Variants in PDE3A observed in about 807,000 individuals in gnomAD.
PDE3A encodes phosphodiesterase 3A.
In PDE3A, 43 loss-of-function variants were observed where a neutral mutation model predicts 98.3. The ratio of observed to expected loss-of-function variants is 0.44; its 90% CI spans 0.34 to 0.56. The LOEUF (loss-of-function observed/expected upper bound fraction) is 0.56. Among genes scored for constraint, PDE3A ranks in the 20% least tolerant of loss-of-function variants. The pLI is 0.01. For synonymous variants in PDE3A, 663 were observed against 567.9 expected (o/e 1.17, Z -2.38); for missense variants, 1,427 against 1,440.7 (o/e 0.99, Z 0.15).
chr12:20,629,409 A>T (rs1441195526), intron 5 of PDE3A, among the ~76,000 whole-genome samples: 2 of 152,168 alleles, frequency 1.3e-5, no homozygotes, highest in African/African-American at 4.8e-5. Context: ...AAGAAGGTTA[A>T]TTTCCTCTCA....
At chr12:20,545,750 G>C (rs1942034259) in intron 1 of PDE3A, among the ~76,000 whole-genome samples, 1 of 138,766 alleles carries the variant, frequency 7.2e-6, no homozygotes, top group African/African-American at 2.6e-5. Context: ...CCTACCCCAA[G>C]AGTAAAGGGC....
intron 2 of PDE3A, among the ~76,000 whole-genome samples, chr12:20,610,246 A>G (rs755642222): frequency 5.9e-5 from 9 of 152,064 alleles, no homozygotes; most frequent in Non-Finnish European, 1.0e-4. Context: ...ACATGAACAG[A>G]CATTTCTCCA....
At chr12:20,650,037 G>GGT (rs1944879468) in intron 13 of PDE3A, among the ~76,000 whole-genome samples, 1 of 152,014 alleles carries the variant, frequency 6.6e-6, no homozygotes, top group East Asian at 1.9e-4. Context: ...GTACATGGTA[G>GGT]GTATATATAT....
Position 20,369,886 on chromosome 12 carries a change from C to G in PDE3A, c.602C>G (p.Ala201Gly). Residue 201 changes from alanine to glycine, a missense_variant, in exon 1 of 16, where the codon GCG (alanine) becomes GGG (glycine). Transcript: ENST00000359062. The part of the protein sequence containing the change: ...AGVVLSCLAA[A>G]TWLVLRLRLG... The stretch of plus-strand genomic sequence containing the variant: ...GTGGTGCTCAGCTGCTTGGCCGCCG[C>G]GACATGGCTGGTGCTGAGGCTGAGG... 1.9e-6 allele frequency: 3 copies of G among 1,613,254 alleles called. No homozygotes were observed. The highest frequency in any genetic ancestry group is 2.5e-6 in the Non-Finnish European group (3 of 1,179,798).
At chr12:20,416,624 C>T (rs5014036) in intron 1 of PDE3A, among the ~76,000 whole-genome samples, 94,111 of 152,114 alleles carry the variant, frequency 0.62, 30,866 homozygotes, top group East Asian at 0.88. Context: ...CTTAATTCTT[C>T]ATTAGTGTGT....
intron 15 of PDE3A, among the ~76,000 whole-genome samples, chr12:20,670,493 A>C (rs2120416285): frequency 6.6e-6 from 1 of 152,300 alleles, no homozygotes; most frequent in South Asian, 2.1e-4. Context: ...ATTATAACAA[A>C]CTATCTCTCA....
chr12:20,536,005 G>A (rs1305442564), intron 1 of PDE3A, among the ~76,000 whole-genome samples: 1 of 152,018 alleles, frequency 6.6e-6, no homozygotes, highest in Non-Finnish European at 1.5e-5. Flanking sequence ...TATGCCTGGA[G>A]CCAATTTTGA....
At chr12:20,664,137 C>T (rs1335728401) in intron 15 of PDE3A, among the ~76,000 whole-genome samples, 1 of 152,096 alleles carries the variant, frequency 6.6e-6, no homozygotes, top group Non-Finnish European at 1.5e-5. Flanking sequence ...CCCCTTCCAC[C>T]ATGATTATGT....
chr12:20,595,691 T>G (rs1476811194), intron 2 of PDE3A, among the ~76,000 whole-genome samples: 1 of 152,200 alleles, frequency 6.6e-6, no homozygotes, highest in African/African-American at 2.4e-5. Context: ...GGAGACATTT[T>G]GAAGCTCTTT....
intron 2 of PDE3A, among the ~76,000 whole-genome samples, chr12:20,584,797 T>C (rs1019756248): frequency 6.6e-6 from 1 of 152,192 alleles, no homozygotes; most frequent in Non-Finnish European, 1.5e-5. Flanking sequence ...CTTCCTTTTC[T>C]GGCAATTTTC....
chr12:20,398,297 C>CTTTT (rs34700120), intron 1 of PDE3A, among the ~76,000 whole-genome samples: 72 of 140,922 alleles, frequency 5.1e-4, no homozygotes, highest in East Asian at 1.5e-3. Context: ...TCTTAGTTCA[C>CTTTT]TTTTTTTTTT....
intron 1 of PDE3A, among the ~76,000 whole-genome samples, chr12:20,484,183 A>G (rs1945681454): frequency 6.6e-6 from 1 of 152,216 alleles, no homozygotes; most frequent in African/African-American, 2.4e-5. Flanking sequence ...AATACATACA[A>G]ATTTGTATCT....
intron 1 of PDE3A, among the ~76,000 whole-genome samples, chr12:20,411,294 C>T (rs1294561319): frequency 6.6e-6 from 1 of 152,110 alleles, no homozygotes; most frequent in Non-Finnish European, 1.5e-5. Flanking sequence ...TAAGAAATTA[C>T]TCCCCATTTC....
chr12:20,422,671 A>G (rs184158185), intron 1 of PDE3A, among the ~76,000 whole-genome samples: 2 of 152,364 alleles, frequency 1.3e-5, no homozygotes, highest in East Asian at 3.9e-4. Context: ...ACATGGAATA[A>G]CCGCATATAG....
intron 1 of PDE3A, among the ~76,000 whole-genome samples, chr12:20,385,587 C>T (rs1943741474): frequency 1.3e-5 from 2 of 151,766 alleles, no homozygotes; most frequent in African/African-American, 4.8e-5. Context: ...GGCATATATA[C>T]ACCATGGAAT....
At position 20,654,127 on chromosome 12, in the gene PDE3A, A is replaced by G; in HGVS notation, c.3106A>G (p.Thr1036Ala). ...WVEDSDESGD[T>A]DDPEEEEEEA... The stretch of plus-strand genomic sequence containing the variant: ...GGAAGACAGCGATGAGTCAGGAGAT[A>G]CTGATGACCCAGAAGAAGAGGAGGA... Residue 1036 changes from threonine (T) to alanine (A), a missense_variant, in exon 15 of 16, where the codon ACT (threonine) becomes GCT (alanine). Physicochemically the swap from Thr to Ala is moderately conservative, Grantham distance 58. Around this residue, in one of 3 missense-constraint regions of PDE3A, gnomAD observed 142 missense variants for 133.9 expected, o/e 1.06. Coordinates refer to ENST00000359062, the MANE Select transcript of PDE3A (RefSeq NM_000921.5). 3 of 1,614,096 alleles carry G rather than the reference A, an allele frequency of 1.9e-6. No individual in the cohort carries two copies. Among genetic ancestry groups the G allele is most frequent in the Non-Finnish European group, 2.5e-6 (3 of 1,179,912 alleles).
chr12:20,637,605 T>C (rs1944548427), intron 9 of PDE3A, among the ~76,000 whole-genome samples: 1 of 152,164 alleles, frequency 6.6e-6, no homozygotes, highest in African/African-American at 2.4e-5. Context: ...TCTGTAATTA[T>C]TTTTGATGAC....
intron 15 of PDE3A, among the ~76,000 whole-genome samples, chr12:20,673,617 G>A (rs573326915): frequency 4.7e-5 from 7 of 149,994 alleles, no homozygotes; most frequent in East Asian, 4.0e-4. Flanking sequence ...ACCAAAGACC[G>A]CATATTCTCA....
intron 2 of PDE3A, among the ~76,000 whole-genome samples, chr12:20,609,896 C>G (rs969433494): frequency 6.6e-6 from 1 of 151,520 alleles, no homozygotes; most frequent in Non-Finnish European, 1.5e-5. Flanking sequence ...CAAAAATCAA[C>G]TCAAAATACG....
Sources: gnomAD v4.1 joint callset for allele counts (sites outside exome capture counted in the v4.1 genomes callset) on GRCh38, gnomAD v4.1.1 for gene constraint, gnomAD v4.1.1 regional missense constraint, MANE v1.5 for transcripts, NCBI Gene and HGNC (gene_info 2026-07-23, HGNC 2026-07-21) for gene names.